The following SCEL variants were observed in gnomAD, a reference collection of about 807,000 sequenced individuals.
SCEL encodes sciellin.
In SCEL, 113 loss-of-function variants were observed where a neutral mutation model predicts 117.6. The observed-to-expected ratio is 0.96, with a 90% confidence interval of 0.83 to 1.12. The LOEUF (loss-of-function observed/expected upper bound fraction) is 1.12, where lower values mean the gene tolerates loss of function less well. Ranked by LOEUF, SCEL falls within the 50% of genes most tolerant of loss-of-function variation. SCEL has a pLI of 0.00. For missense variants in SCEL, 785 were observed against 810.8 expected, an observed-to-expected ratio of 0.97 and a Z score of 0.39; for synonymous variants, 270 against 256.2, an observed-to-expected ratio of 1.05 and a Z score of -0.51.
chr13:77,574,686 T>C (rs540552826), intron 9 of SCEL, among the ~76,000 whole-genome samples: 16 of 152,220 alleles, frequency 1.1e-4, no homozygotes, highest in African/African-American at 3.6e-4. Context: ...AATTATTAAA[T>C]GATGAAAGGG....
In SCEL at chr13:77,629,585, AAGGT is replaced by A. The variant is rs2089935094; in HGVS notation, c.1691+1580_1691+1583del. 5.9e-5 allele frequency among the ~76,000 whole-genome samples: 9 copies of A among 152,316 alleles called. No individual in the cohort carries two copies. In the South Asian group the frequency reaches 1.9e-3, roughly 32 times the overall value. Reference sequence around the variant, plus strand: ...ATGTTTTCTAATTCGTTTCATTAAGAAGGTAGGAGCCAAGGGGAAAGTTCCACTT... The same window carrying A: ...ATGTTTTCTAATTCGTTTCATTAAGAAGGAGCCAAGGGGAAAGTTCCACTT... On this transcript the variant is annotated intron_variant, in intron 28 of 32. Transcript: ENST00000349847.
intron 19 of SCEL, 43 bp downstream of exon 19, chr13:77,604,458 A>T: frequency 6.8e-7 from 1 of 1,467,486 alleles, no homozygotes; most frequent in Non-Finnish European, 9.2e-7. Flanking sequence ...TTTGGCATTT[A>T]GAAGGACGTT....
intron 12 of SCEL, chr13:77,597,198 G>C (rs923065053): frequency 2.1e-5 from 5 of 240,056 alleles, no homozygotes; most frequent in Non-Finnish European, 3.9e-5. Context: ...TAAATTTTAA[G>C]TGGTGTGCAT....
At chr13:77,633,884 C>T (rs141892609) in intron 28 of SCEL, among the ~76,000 whole-genome samples, 2,055 of 152,256 alleles carry the variant, frequency 0.013, 30 homozygotes, top group Middle Eastern at 0.037. Flanking sequence ...AATTATCAAA[C>T]GTGATTTTCC....
chr13:77,597,496 C>A (rs371232710), intron 12 of SCEL, 49 bp from the exon 13 acceptor site: 2 of 1,125,964 alleles, frequency 1.8e-6, no homozygotes, highest in South Asian at 1.4e-5. Context: ...ACCCTTTGAC[C>A]CTGGGCAAGC....
At chr13:77,589,531 T>C (rs888961764) in intron 10 of SCEL, among the ~76,000 whole-genome samples, 3 of 152,200 alleles carry the variant, frequency 2.0e-5, no homozygotes, top group African/African-American at 7.2e-5. Context: ...CAAATATAAA[T>C]ACATATATGT....
At chr13:77,543,375 G>T (rs150861503) in intron 1 of SCEL, among the ~76,000 whole-genome samples, 1 of 152,002 alleles carries the variant, frequency 6.6e-6, no homozygotes, top group Non-Finnish European at 1.5e-5. Context: ...GAGCCACCGC[G>T]CCCGGCCAAC....
chr13:77,585,457 CAT>C (rs1288003453), intron 9 of SCEL, among the ~76,000 whole-genome samples: 1 of 152,042 alleles, frequency 6.6e-6, no homozygotes, highest in Non-Finnish European at 1.5e-5. Flanking sequence ...GCCCTGGGGT[CAT>C]GTGGGGTGAA....
chr13:77,604,853 G>T (rs2088013754), intron 19 of SCEL, among the ~76,000 whole-genome samples: 1 of 152,058 alleles, frequency 6.6e-6, no homozygotes, highest in South Asian at 2.1e-4. Context: ...GGATTTAAGT[G>T]CATGTGTGTA....
intron 28 of SCEL, among the ~76,000 whole-genome samples, chr13:77,628,606 T>C (rs2089883111): frequency 6.6e-6 from 1 of 152,150 alleles, no homozygotes; most frequent in Non-Finnish European, 1.5e-5. Flanking sequence ...AAAAATTAAC[T>C]TTTCCATGTT....
intron 9 of SCEL, among the ~76,000 whole-genome samples, chr13:77,578,948 G>C (rs926993910): frequency 1.3e-5 from 2 of 152,162 alleles, no homozygotes; most frequent in African/African-American, 4.8e-5. Flanking sequence ...TTAGAGTGAA[G>C]ATACCTGTTG....
At chr13:77,635,502 T>C (rs2090234761) in intron 29 of SCEL, among the ~76,000 whole-genome samples, 1 of 152,226 alleles carries the variant, frequency 6.6e-6, no homozygotes, top group Non-Finnish European at 1.5e-5. Context: ...TTTATCCTTA[T>C]GGGATGTCAC....
At chr13:77,642,990 T>C (rs2090632116) in intron 32 of SCEL, among the ~76,000 whole-genome samples, 182 bp downstream of exon 32, 1 of 152,130 alleles carries the variant, frequency 6.6e-6, no homozygotes, top group South Asian at 2.1e-4. Context: ...AATCAACTTT[T>C]GTATTGTCTT....
At chr13:77,617,773 C>A (rs199738202) in intron 25 of SCEL, 30 bp from the exon 26 acceptor site, 15 of 1,569,900 alleles carry the variant, frequency 9.6e-6, no homozygotes, top group Non-Finnish European at 1.7e-6. Flanking sequence ...TCAAAATTAA[C>A]CTGCTCTCAT....
At chr13:77,626,075 A>C (rs2089716033) in intron 27 of SCEL, among the ~76,000 whole-genome samples, 1 of 152,206 alleles carries the variant, frequency 6.6e-6, no homozygotes, top group Non-Finnish European at 1.5e-5. Context: ...GTAATTTATA[A>C]ATAAAAAGAG....
intron 1 of SCEL, among the ~76,000 whole-genome samples, chr13:77,548,922 A>G (rs1192669694): frequency 6.6e-6 from 1 of 152,176 alleles, no homozygotes; most frequent in Non-Finnish European, 1.5e-5. Context: ...GTATAGTTCC[A>G]TTGTGCATAT....
intron 1 of SCEL, among the ~76,000 whole-genome samples, chr13:77,538,798 A>T (rs1016195626): frequency 1.3e-5 from 2 of 152,136 alleles, no homozygotes; most frequent in African/African-American, 4.8e-5. Flanking sequence ...AGTTTCCCTG[A>T]CTCTAAAATG....
rs756164498 is a variant in SCEL, at chr13:77,599,743, C to A, written c.912C>A (p.Gly304=). Residue 304 remains glycine (G), a synonymous_variant, in exon 15 of 33, where the codon GGC becomes GGA. Transcript: ENST00000349847. ...TGAGTACCCGGACAGATAAAGATGGCAAAGGGTAAGATTTTATTAAGACAG... is the reference window on the plus strand; with the variant it reads ...TGAGTACCCGGACAGATAAAGATGGAAAAGGGTAAGATTTTATTAAGACAG... ...IYMSTRTDKD[G]KGIQSLGSPI... 1.2e-6 allele frequency: 2 copies of A among 1,606,824 alleles called. No homozygotes were observed. Among genetic ancestry groups the A allele is most frequent in the African/African-American group, 1.3e-5 (1 of 74,870 alleles).
At chr13:77,570,546 A>G (rs2085536201) in intron 8 of SCEL, among the ~76,000 whole-genome samples, 1 of 152,228 alleles carries the variant, frequency 6.6e-6, no homozygotes, top group Non-Finnish European at 1.5e-5. Flanking sequence ...ATCTGCCTTG[A>G]TTGACTCGTT....
Sources: gnomAD v4.1 joint callset for allele counts (sites outside exome capture counted in the v4.1 genomes callset) on GRCh38, gnomAD v4.1.1 for gene constraint, MANE v1.5 for transcripts, NCBI Gene and HGNC (gene_info 2026-07-23, HGNC 2026-07-21) for gene names.